TLL2: variants seen among roughly 807,000 people sequenced by gnomAD.
The protein encoded by TLL2 is tolloid like 2.
Under a neutral mutation model 123.0 loss-of-function variants are expected in TLL2, and 106 were observed. That is an observed-to-expected ratio of 0.86 (90% CI 0.74 to 1.01). The LOEUF (loss-of-function observed/expected upper bound fraction) is 1.01, where lower values mean the gene tolerates loss of function less well. Ranked by LOEUF, TLL2 falls within the 50% of genes least tolerant of loss-of-function variation. The probability of loss-of-function intolerance (pLI) is 0.00; values close to 1 mark genes in which losing one functional copy is unlikely to be tolerated. For synonymous variants in TLL2, 494 were observed against 516.8 expected, an observed-to-expected ratio of 0.96 and a Z score of 0.60; for missense variants, 1,332 against 1,336.7, an observed-to-expected ratio of 1.00 and a Z score of 0.06.
intron 1 of TLL2, among the ~76,000 whole-genome samples, chr10:96,491,761 T>C (rs563227412): frequency 1.2e-3 from 187 of 152,300 alleles, no homozygotes; most frequent in Non-Finnish European, 2.3e-3. Flanking sequence ...AGCCTTGGTT[T>C]GTGGTGTTTG....
intron 3 of TLL2, among the ~76,000 whole-genome samples, chr10:96,437,622 T>A (rs1432943600): frequency 1.3e-5 from 2 of 152,220 alleles, no homozygotes; most frequent in African/African-American, 4.8e-5. Context: ...TTCTGTCATT[T>A]GATGAATATC....
At chr10:96,373,568 G>A in intron 19 of TLL2, 28 bp downstream of exon 19, 1 of 1,604,228 alleles carries the variant, frequency 6.2e-7, no homozygotes. Context: ...TGCTCATCAG[G>A]TGGAAGCCAG....
intron 4 of TLL2, among the ~76,000 whole-genome samples, chr10:96,431,093 GA>G (rs1256630142): frequency 6.6e-6 from 1 of 152,152 alleles, no homozygotes; most frequent in Admixed American, 6.5e-5. Flanking sequence ...TAACTTTGAT[GA>G]AAGTAATATA....
chr10:96,497,293 A>G (rs764901461), intron 1 of TLL2, among the ~76,000 whole-genome samples: 2 of 151,774 alleles, frequency 1.3e-5, no homozygotes, highest in Non-Finnish European at 3.0e-5. Context: ...AAAAACAAAA[A>G]CAAAACAAAA....
rs143197945 is a variant in TLL2, at chr10:96,456,631, C to G, written c.287-10463G>C. ...CCTCAGGAATAGAAAATTGTCCCCT[C>G]CAGACATAAAGGAGGGCCCCTTCAA... On this transcript the variant is annotated intron_variant, in intron 2 of 20. Transcript: ENST00000357947. 5.9e-5 allele frequency among the ~76,000 whole-genome samples: 9 copies of G among 152,336 alleles called. No individual in the cohort carries two copies. The East Asian group carries it at 1.7e-3, about 29-fold the overall frequency.
At chr10:96,488,130 T>C (rs1209736457) in intron 1 of TLL2, among the ~76,000 whole-genome samples, 2 of 152,202 alleles carry the variant, frequency 1.3e-5, no homozygotes, top group Non-Finnish European at 2.9e-5. Flanking sequence ...TGCGGATCCA[T>C]GCTCAGCACA....
At chr10:96,451,871 C>T (rs946035517) in intron 2 of TLL2, among the ~76,000 whole-genome samples, 2 of 152,232 alleles carry the variant, frequency 1.3e-5, no homozygotes, top group Non-Finnish European at 2.9e-5. Context: ...AGAAACCTTG[C>T]AGGACGGCAG....
chr10:96,477,240 G>A (rs1224402604), intron 2 of TLL2, among the ~76,000 whole-genome samples: 1 of 151,738 alleles, frequency 6.6e-6, no homozygotes, highest in Non-Finnish European at 1.5e-5. Context: ...GCTTGGGAAG[G>A]AAGAAACACC....
intron 1 of TLL2, among the ~76,000 whole-genome samples, chr10:96,505,648 T>C (rs1246940907): frequency 6.6e-6 from 1 of 152,212 alleles, no homozygotes; most frequent in Non-Finnish European, 1.5e-5. Flanking sequence ...AGCCAGTATT[T>C]GAACCCAGGA....
intron 5 of TLL2, among the ~76,000 whole-genome samples, chr10:96,427,491 A>C (rs1336497173): frequency 2.6e-5 from 4 of 151,836 alleles, no homozygotes; most frequent in Non-Finnish European, 4.4e-5. Flanking sequence ...TTGTTTTATG[A>C]CTCTTGATGC....
At chr10:96,502,834 T>G (rs1195392056) in intron 1 of TLL2, among the ~76,000 whole-genome samples, 1 of 152,128 alleles carries the variant, frequency 6.6e-6, no homozygotes, top group Non-Finnish European at 1.5e-5. Flanking sequence ...AATTGCAGGA[T>G]GAGACAGAAG....
chr10:96,484,629 A>ACC (rs1407238457), intron 1 of TLL2, among the ~76,000 whole-genome samples: 2 of 136,648 alleles, frequency 1.5e-5, no homozygotes, highest in Non-Finnish European at 3.2e-5. Context: ...ACACACACAC[A>ACC]CCATGGCTTT....
chr10:96,495,930 G>A (rs958461747), intron 1 of TLL2, among the ~76,000 whole-genome samples: 71 of 152,278 alleles, frequency 4.7e-4, no homozygotes, highest in African/African-American at 1.6e-3. Context: ...CAGATTTGGT[G>A]CAAGTTTTAC....
chr10:96,497,444 G>A lies in TLL2; in HGVS notation c.175+16067C>T, dbSNP rs183008964. On this transcript the variant is annotated intron_variant, in intron 1 of 20. Transcript: ENST00000357947. ...CCACTCTGCTCTGTGTCCAGGAAGC[G>A]TGCTTCTGTGGACGGCATCCTCCAG... Among the ~76,000 whole-genome samples, 318 of 152,314 alleles carry A rather than the reference G, an allele frequency of 2.1e-3. 1 individual carries two copies. The highest frequency in any genetic ancestry group is 3.2e-3 in the Non-Finnish European group (218 of 68,016).
At chr10:96,420,260 T>G (rs566252186) in intron 7 of TLL2, among the ~76,000 whole-genome samples, 1 of 152,362 alleles carries the variant, frequency 6.6e-6, no homozygotes, top group East Asian at 1.9e-4. Flanking sequence ...AGGGAAAAAC[T>G]TCTGCACACA....
At chr10:96,412,496 G>A (rs1276647929) in intron 8 of TLL2, among the ~76,000 whole-genome samples, 12 of 152,148 alleles carry the variant, frequency 7.9e-5, no homozygotes, top group Non-Finnish European at 1.5e-5. Context: ...AGCTCAGACG[G>A]TGTGTGTATG....
intron 10 of TLL2, among the ~76,000 whole-genome samples, chr10:96,403,753 A>G (rs11188745): frequency 0.15 from 20,444 of 137,358 alleles, 1,659 homozygotes; most frequent in African/African-American, 0.22. Context: ...ATAGAGGAAG[A>G]CCACTGTCCC....
chr10:96,442,355 G>T (rs990082579), intron 3 of TLL2, among the ~76,000 whole-genome samples: 5 of 152,160 alleles, frequency 3.3e-5, no homozygotes, highest in African/African-American at 1.2e-4. Context: ...GTGATTAAAG[G>T]GAACCTGAGA....
chr10:96,396,518 G>T (rs1014661937), intron 11 of TLL2, among the ~76,000 whole-genome samples: 1 of 151,238 alleles, frequency 6.6e-6, no homozygotes, highest in East Asian at 1.9e-4. Flanking sequence ...ATTTAAGGCC[G>T]AAGGACCCTT....
Sources: allele counts gnomAD v4.1 joint callset (sites outside exome capture counted in the v4.1 genomes callset), GRCh38; gene constraint gnomAD v4.1.1; transcripts MANE v1.5; gene names NCBI Gene and HGNC (gene_info 2026-07-23, HGNC 2026-07-21).